Variants in ZNF573 observed in about 807,000 individuals in gnomAD.
ZNF573 encodes zinc finger protein 573.
ZNF573 carries 41 observed loss-of-function variants against 57.4 expected under a neutral mutation model. The observed-to-expected ratio is 0.71, with a 90% CI of 0.56 to 0.93. The LOEUF (loss-of-function observed/expected upper bound fraction) is 0.93, where lower values mean the gene tolerates loss of function less well. Among genes scored for constraint, ZNF573 ranks in the 40% least tolerant of loss-of-function variants. The probability of loss-of-function intolerance (pLI) is 0.00; values close to 1 mark genes in which losing one functional copy is unlikely to be tolerated. For synonymous variants in ZNF573, 249 were observed against 261.0 expected, an observed-to-expected ratio of 0.95 and a Z score of 0.44; for missense variants, 730 against 794.8, an observed-to-expected ratio of 0.92 and a Z score of 0.98.
At chr19:37,775,842 C>CA (rs11390183) in intron 1 of ZNF573, among the ~76,000 whole-genome samples, 46,843 of 124,848 alleles carry the variant, frequency 0.38, 10,701 homozygotes, top group East Asian at 0.73. Context: ...ACAACAGCTG[C>CA]AAAAAAAAAA....
chr19:37,773,553 G>T, intron 2 of ZNF573, 108 bp downstream of exon 2: 1 of 752,818 alleles, frequency 1.3e-6, no homozygotes, highest in Non-Finnish European at 2.1e-6. Flanking sequence ...AGAAAGTGGG[G>T]ACAGATAACT....
chr19:37,746,619 G>A (rs1183831854), intron 4 of ZNF573, among the ~76,000 whole-genome samples: 5 of 151,462 alleles, frequency 3.3e-5, no homozygotes, highest in Admixed American at 6.6e-5. Context: ...TTGCTCTGTC[G>A]CCCAGGCTGG....
chr19:37,756,383 T>C (rs772390512), intron 4 of ZNF573, among the ~76,000 whole-genome samples: 2 of 152,126 alleles, frequency 1.3e-5, no homozygotes, highest in African/African-American at 4.8e-5. Flanking sequence ...TAGATTAAGA[T>C]CATGGGATTA....
intron 4 of ZNF573, among the ~76,000 whole-genome samples, chr19:37,758,068 G>T (rs557446138): frequency 4.4e-4 from 67 of 150,640 alleles, no homozygotes; most frequent in South Asian, 1.5e-3. Context: ...GGGTAGGGGG[G>T]AGGGATAGCA....
intron 4 of ZNF573, among the ~76,000 whole-genome samples, chr19:37,753,476 AT>A (rs1048672932): frequency 9.9e-5 from 15 of 151,586 alleles, no homozygotes; most frequent in Non-Finnish European, 1.9e-4. Flanking sequence ...ATCACAGTAA[AT>A]TTTTTTTTAA....
intron 4 of ZNF573, among the ~76,000 whole-genome samples, chr19:37,764,875 T>C (rs1221338552): frequency 6.6e-6 from 1 of 151,556 alleles, no homozygotes; most frequent in African/African-American, 2.4e-5. Context: ...AGTGCTCAGA[T>C]TACAGGCATG....
At chr19:37,744,489 G>C (rs2045359218) in intron 4 of ZNF573, among the ~76,000 whole-genome samples, 2 of 152,072 alleles carry the variant, frequency 1.3e-5, no homozygotes, top group South Asian at 2.1e-4. Context: ...TATAATCCCA[G>C]CACTTTGGGA....
intron 4 of ZNF573, among the ~76,000 whole-genome samples, chr19:37,756,872 T>C (rs1280001251): frequency 6.6e-6 from 1 of 151,974 alleles, no homozygotes; most frequent in Non-Finnish European, 1.5e-5. Flanking sequence ...AATGCTACTA[T>C]ATATGTTCCA....
intron 4 of ZNF573, among the ~76,000 whole-genome samples, chr19:37,758,791 A>G (rs1465673522): frequency 6.6e-6 from 1 of 152,136 alleles, no homozygotes; most frequent in Non-Finnish European, 1.5e-5. Flanking sequence ...GGAAGTCAAC[A>G]GTATATAGAC....
chr19:37,738,435 T>A lies in ZNF573; in HGVS notation c.*57A>T. On this transcript the variant is annotated 3_prime_UTR_variant, in exon 5 of 5. Coordinates refer to ENST00000536220, the MANE Select transcript of ZNF573 (RefSeq NM_001172690.2). ...TACCTATAAGACTAACATTCCATCATTTCTCACCAGTGTGGGCTGTCTGAT... is the reference window on the plus strand; with the variant it reads ...TACCTATAAGACTAACATTCCATCAATTCTCACCAGTGTGGGCTGTCTGAT... The A allele has an allele frequency of 6.8e-7, 1 of 1,471,336 alleles. No homozygotes were observed. The highest frequency in any genetic ancestry group is 9.0e-7 in the Non-Finnish European group (1 of 1,110,686). 91.1% of individuals were successfully genotyped at this position (1,471,336 alleles called of 1,614,324 possible).
At chr19:37,765,388 A>T (rs2045592325) in intron 4 of ZNF573, among the ~76,000 whole-genome samples, 1 of 152,154 alleles carries the variant, frequency 6.6e-6, no homozygotes, top group Admixed American at 6.5e-5. Context: ...ACACTTTGTC[A>T]TATCAGATGG....
chr19:37,742,648 C>T (rs1295737733), intron 4 of ZNF573, among the ~76,000 whole-genome samples: 1 of 152,164 alleles, frequency 6.6e-6, no homozygotes, highest in Non-Finnish European at 1.5e-5. Flanking sequence ...AACTAGACCC[C>T]TTCCTTACAC....
chr19:37,738,518 T>C lies in ZNF573; in HGVS notation c.1972A>G (p.Arg658Gly), dbSNP rs200385097. 32 of 1,542,080 alleles carry C rather than the reference T, an allele frequency of 2.1e-5. No individual in the cohort carries two copies. Among genetic ancestry groups the C allele is most frequent in the Non-Finnish European group, 2.6e-5 (30 of 1,149,558 alleles). ...TACACTTTTATGCTCCTATGAATTC[T>C]CTGATGGGCTTTAAGGGCTGAACCA... The part of the protein sequence containing the change: ...RYGSALKAHQ[R>G]IHRSIKV The change falls in exon 5 of 5, where the codon AGA becomes GGA. Residue 658 changes from arginine to glycine, a missense_variant. Coordinates refer to ENST00000536220, the MANE Select transcript of ZNF573 (RefSeq NM_001172690.2).
At chr19:37,764,735 C>G (rs1168300902) in intron 4 of ZNF573, among the ~76,000 whole-genome samples, 2 of 151,628 alleles carry the variant, frequency 1.3e-5, no homozygotes, top group Non-Finnish European at 2.9e-5. Context: ...TCCCGAGTAG[C>G]TGGGACTACA....
At chr19:37,755,176 G>A (rs2045476094) in intron 4 of ZNF573, 1 of 152,224 alleles carries the variant, frequency 6.6e-6, no homozygotes, top group Non-Finnish European at 1.5e-5. Context: ...CACTGTGTTA[G>A]CCAGGATGGT....
chr19:37,752,168 G>A (rs550533003), intron 4 of ZNF573, among the ~76,000 whole-genome samples: 1 of 152,158 alleles, frequency 6.6e-6, no homozygotes, highest in East Asian at 1.9e-4. Flanking sequence ...AGTCTCTTTA[G>A]CAATAGTGCT....
chr19:37,739,123 T>C lies in ZNF573; in HGVS notation c.1367A>G (p.Asn456Ser), dbSNP rs1167986217. ...GTGAATATTCTGATGTCGAGTAAGA[T>C]TTCTATACAAAGTAAAGGTTTTTTT... ...ECKKTFTLYR[N>S]LTRHQNIHTG... is the part of the protein sequence containing the mutation. Residue 456 changes from asparagine to serine, a missense_variant, in exon 5 of 5, where the codon AAT (asparagine) becomes AGT (serine). Physicochemically the swap from Asn to Ser is conservative, Grantham distance 46 (BLOSUM62 1). Transcript: ENST00000536220. The C allele has an allele frequency of 6.2e-7, 1 of 1,613,506 alleles. No individual in the cohort carries two copies. Among genetic ancestry groups the C allele is most frequent in the Non-Finnish European group, 8.5e-7 (1 of 1,179,878 alleles).
intron 4 of ZNF573, among the ~76,000 whole-genome samples, chr19:37,754,385 T>G (rs2045466854): frequency 6.6e-6 from 1 of 151,916 alleles, no homozygotes; most frequent in African/African-American, 2.4e-5. Flanking sequence ...CCGGGTGCAG[T>G]GGCAGGTGCC....
intron 2 of ZNF573, 122 bp from the exon 3 acceptor site, chr19:37,771,818 T>A: frequency 1.1e-6 from 1 of 938,758 alleles, no homozygotes; most frequent in East Asian, 3.1e-5. Flanking sequence ...GGTAGCAGAC[T>A]AAAGCAACGT....
Sources: allele counts gnomAD v4.1 joint callset (sites outside exome capture counted in the v4.1 genomes callset), GRCh38; gene constraint gnomAD v4.1.1; transcripts MANE v1.5; gene names NCBI Gene and HGNC (gene_info 2026-07-23, HGNC 2026-07-21).